Variants in ACOT7 observed in about 807,000 individuals in gnomAD.
ACOT7 encodes cytosolic acyl coenzyme A thioester hydrolase.
ACOT7 carries 12 observed loss-of-function variants against 40.2 expected under a neutral mutation model. The ratio of observed to expected loss-of-function variants is 0.30; its 90% CI spans 0.19 to 0.48. The LOEUF (loss-of-function observed/expected upper bound fraction) is 0.48, where lower values mean the gene tolerates loss of function less well. Ranked by LOEUF, ACOT7 falls within the 20% of genes least tolerant of loss-of-function variation. ACOT7 has a pLI of 0.99. For missense variants in ACOT7, 395 were observed against 530.8 expected (o/e 0.74, Z 2.51); for synonymous variants, 228 against 219.5 (o/e 1.04, Z -0.34).
intron 8 of ACOT7, among the ~76,000 whole-genome samples, chr1:6,268,736 T>C (rs1638928554): frequency 6.6e-6 from 1 of 152,256 alleles, no homozygotes; most frequent in Admixed American, 6.5e-5. Flanking sequence ...CAGGGCTTCA[T>C]ACAGCCCGGT....
At chr1:6,335,007 G>A (rs762222648) in intron 3 of ACOT7, among the ~76,000 whole-genome samples, 7 of 151,968 alleles carry the variant, frequency 4.6e-5, no homozygotes, top group Non-Finnish European at 8.8e-5. Flanking sequence ...GTAACATGGC[G>A]AAACCCCGTC....
intron 6 of ACOT7, among the ~76,000 whole-genome samples, chr1:6,305,193 C>A (rs1310787231): frequency 1.3e-5 from 2 of 148,644 alleles, no homozygotes; most frequent in Admixed American, 6.6e-5. Context: ...GCTGGCCGGG[C>A]GGGGGGCTGT....
chr1:6,379,898 T>C (rs1642303874), intron 1 of ACOT7, among the ~76,000 whole-genome samples: 1 of 151,414 alleles, frequency 6.6e-6, no homozygotes, highest in African/African-American at 2.4e-5. Flanking sequence ...CTGTCTCTGC[T>C]GGAAAAAAAA....
chr1:6,304,988 T>C (rs1640089350), intron 6 of ACOT7, among the ~76,000 whole-genome samples: 1 of 148,022 alleles, frequency 6.8e-6, no homozygotes, highest in African/African-American at 2.6e-5. Context: ...GAGGCGCCCC[T>C]CACCTCCCGG....
chr1:6,370,012 T>C (rs1268668543), intron 1 of ACOT7, among the ~76,000 whole-genome samples: 4 of 152,182 alleles, frequency 2.6e-5, no homozygotes, highest in African/African-American at 7.2e-5. Flanking sequence ...AATCCCAATG[T>C]TGGAGGCAGG....
At chr1:6,305,638 G>C (rs1363700553) in intron 6 of ACOT7, among the ~76,000 whole-genome samples, 9 of 149,622 alleles carry the variant, frequency 6.0e-5, no homozygotes, top group African/African-American at 2.0e-4. Flanking sequence ...ATGGGCGGCC[G>C]GGCAGAGACG....
At chr1:6,271,592 T>C (rs1210024935) in intron 8 of ACOT7, among the ~76,000 whole-genome samples, 1 of 152,186 alleles carries the variant, frequency 6.6e-6, no homozygotes, top group East Asian at 1.9e-4. Context: ...GACCTTGCCT[T>C]AGCGGAGCCT....
At position 6,277,750 on chromosome 1, in the gene ACOT7, G is replaced by A. The variant is rs1022559931; in HGVS notation, c.1014+3352C>T. ...TTGTACCTGTCCCCCGGCACACTCC[G>A]ATCCCCTCATTCCCTGCTGTCTTCT... On this transcript the variant is annotated intron_variant, in intron 8 of 8. Coordinates refer to ENST00000361521, the MANE Select transcript of ACOT7 (RefSeq NM_007274.4). Among the ~76,000 whole-genome samples the A allele has an allele frequency of 2.6e-5, 4 of 152,190 alleles. No homozygotes were observed. In the South Asian group the frequency reaches 6.2e-4, roughly 24 times the overall value.
In ACOT7 at chr1:6,289,435, C is replaced by G. The variant is rs1211597693; in HGVS notation, c.829+5429G>C. On this transcript the variant is annotated intron_variant, in intron 7 of 8. Coordinates refer to ENST00000361521, the MANE Select transcript of ACOT7 (RefSeq NM_007274.4). The surrounding 1 kb of genome is among the most constrained non-coding windows in gnomAD (Gnocchi z 4.6). ...TTTTAAATTGAGACAAGGTCTCACT[C>G]TGTCACCCAGGCTGAGTGCGGCGGC... Among the ~76,000 whole-genome samples, 1 of 152,098 alleles carries G rather than the reference C, an allele frequency of 6.6e-6. No individual in the cohort carries two copies. Among genetic ancestry groups the G allele is most frequent in the Non-Finnish European group, 1.5e-5 (1 of 68,038 alleles).
rs116056234 is a variant in ACOT7 at position 6,295,100 on chromosome 1, C to A, written c.713-120G>T. Reference sequence around the variant, plus strand: ...CACTAGCCACCAGCAAGGGCCGCAGCCAGCAGGGGTGCAGGGTGCTCGGCC... The same window carrying A: ...CACTAGCCACCAGCAAGGGCCGCAGACAGCAGGGGTGCAGGGTGCTCGGCC... On this transcript the variant is annotated intron_variant, in intron 6 of 8. Transcript: ENST00000361521. The A allele has an allele frequency of 1.1e-3, 817 of 713,386 alleles. 6 individuals carry two copies. In the African/African-American group the frequency reaches 0.012, roughly 11 times the overall value. 44.2% of individuals were successfully genotyped at this position (713,386 alleles called of 1,614,324 possible). A position where few individuals can be genotyped will look rare whatever the true frequency, so the allele number is the denominator to read the frequency against.
chr1:6,335,302 G>A, intron 3 of ACOT7, among the ~76,000 whole-genome samples: 1 of 142,710 alleles, frequency 7.0e-6, no homozygotes, highest in Non-Finnish European at 1.5e-5. Context: ...ACTCTAGGCT[G>A]GGCAACGAGA....
At chr1:6,351,553 G>A (rs751647443) in intron 1 of ACOT7, among the ~76,000 whole-genome samples, 18 of 152,320 alleles carry the variant, frequency 1.2e-4, no homozygotes, top group Non-Finnish European at 2.2e-4. Context: ...CAGCTGCAGC[G>A]GGCAGAGGGT....
intron 6 of ACOT7, among the ~76,000 whole-genome samples, chr1:6,317,156 C>T (rs1640518311): frequency 6.6e-6 from 1 of 152,144 alleles, no homozygotes; most frequent in Non-Finnish European, 1.5e-5. Flanking sequence ...ACAGCTGCAC[C>T]CAGCCTTCAT....
chr1:6,313,274 G>T (rs1375866397), intron 6 of ACOT7, among the ~76,000 whole-genome samples: 2 of 152,220 alleles, frequency 1.3e-5, no homozygotes, highest in Non-Finnish European at 2.9e-5. Context: ...TCAAGGATAG[G>T]CCAAGGGCTG....
At chr1:6,319,972 C>T (rs947264635) in intron 5 of ACOT7, among the ~76,000 whole-genome samples, 14 of 152,230 alleles carry the variant, frequency 9.2e-5, no homozygotes, top group Admixed American at 5.9e-4. Context: ...GGCCCATAGT[C>T]CTGCTCCCGT....
intron 4 of ACOT7, among the ~76,000 whole-genome samples, chr1:6,332,842 AAAAAC>A (rs1640997500): frequency 2.0e-5 from 3 of 151,668 alleles, no homozygotes; most frequent in African/African-American, 7.3e-5. Flanking sequence ...AAAAAACAAA[AAAAAC>A]AAAAAGAAAG....
intron 6 of ACOT7, among the ~76,000 whole-genome samples, chr1:6,315,948 G>A (rs997809780): frequency 2.0e-5 from 3 of 152,060 alleles, no homozygotes; most frequent in Admixed American, 1.3e-4. Context: ...GACATGCTGC[G>A]GACTTCCAAG....
chr1:6,393,257 C>T lies in ACOT7; in HGVS notation c.143G>A (p.Arg48Gln), dbSNP rs762925176. The change falls in exon 1 of 9, where the codon CGG (arginine) becomes CAG (glutamine). Residue 48 changes from arginine to glutamine, a missense_variant and splice_region_variant. Coordinates refer to ENST00000361521, the MANE Select transcript of ACOT7 (RefSeq NM_007274.4). ...VETPSAIQIC[R>Q]IMRPDDANVA... Reference sequence around the variant, plus strand: ...AGGCTGCGCGCGGGCCCTCTCTTACCGGCAGATCTGGATGGCGGACGGCGT... The same window carrying T: ...AGGCTGCGCGCGGGCCCTCTCTTACTGGCAGATCTGGATGGCGGACGGCGT... 2.3e-6 allele frequency: 3 copies of T among 1,282,346 alleles called. No individual in the cohort carries two copies. The highest frequency in any genetic ancestry group is 1.5e-5 in the African/African-American group (1 of 65,702). 79.4% of individuals were successfully genotyped at this position (1,282,346 alleles called of 1,614,324 possible).
At position 6,311,456 on chromosome 1, in the gene ACOT7, G is replaced by T. The variant is rs904719843; in HGVS notation, c.712+7036C>A. Among the ~76,000 whole-genome samples the T allele has an allele frequency of 6.6e-6, 1 of 152,176 alleles. No homozygotes were observed. The highest frequency in any genetic ancestry group is 2.4e-5 in the African/African-American group (1 of 41,440). ...AGGTGCGGTGTTGGGGGTGCCAGCC[G>T]GGTCAGTTCCCCCAACAAAACCGGT... is the stretch of plus-strand genomic sequence containing the variant. On this transcript the variant is annotated intron_variant, in intron 6 of 8. Transcript: ENST00000361521. The surrounding 1 kb of genome is among the most constrained non-coding windows in gnomAD (Gnocchi z 5.2).
Sources: gnomAD v4.1 joint callset for allele counts (sites outside exome capture counted in the v4.1 genomes callset) on GRCh38, gnomAD v4.1.1 for gene constraint, Gnocchi (gnomAD v3.1) non-coding constraint, MANE v1.5 for transcripts, NCBI Gene and HGNC (gene_info 2026-07-23, HGNC 2026-07-21) for gene names.